Variants in EYS observed in about 807,000 individuals in gnomAD.
EYS encodes EGF-like photoreceptor maintenance factor.
A neutral mutation model predicts 282.1 loss-of-function variants in EYS; 250 were observed. The observed-to-expected ratio is 0.89, with a 90% CI of 0.80 to 0.98. The LOEUF is 0.98. Ranked by LOEUF, EYS falls within the 50% of genes least tolerant of loss-of-function variation. EYS has a pLI of 0.00. For missense variants in EYS, 4,016 were observed against 3,709.0 expected, an observed-to-expected ratio of 1.08 and a Z score of -2.15; for synonymous variants, 1,355 against 1,282.9, an observed-to-expected ratio of 1.06 and a Z score of -1.20.
At chr6:65,105,476 C>T (rs1013602626) in intron 12 of EYS, among the ~76,000 whole-genome samples, 7 of 151,776 alleles carry the variant, frequency 4.6e-5, no homozygotes, top group Non-Finnish European at 5.9e-5. Flanking sequence ...GAAACATAAA[C>T]ATGCGTTATG....
Position 63,937,345 on chromosome 6 carries a change from C to CTTTTTTTTTT in EYS, c.7055+47028_7055+47037dup, listed in dbSNP as rs778809745. 8.4e-4 allele frequency among the ~76,000 whole-genome samples: 46 copies of CTTTTTTTTTT among 54,462 alleles called. 3 individuals carry two copies. The highest frequency in any genetic ancestry group is 1.3e-3 in the Non-Finnish European group (37 of 28,414). The allele number at this position is 54,462 out of a possible 152,430, so 35.7% of individuals were successfully genotyped here. ...CAAATTTTCTAGGCTTCTCTCTTTTCTTTTTTTTTTTTTTTTTTTTTTTTT... is the reference window on the plus strand; with the variant it reads ...CAAATTTTCTAGGCTTCTCTCTTTTCTTTTTTTTTTTTTTTTTTTTTTTTTTTTTTTTTTT... On this transcript the variant is annotated intron_variant, in intron 35 of 42. Transcript: ENST00000503581.
chr6:64,331,091 C>T (rs562867477), intron 29 of EYS, among the ~76,000 whole-genome samples: 1 of 152,266 alleles, frequency 6.6e-6, no homozygotes, highest in African/African-American at 2.4e-5. Context: ...CTGAAGCCTG[C>T]CCTCTGCTGG....
At chr6:64,293,530 G>A (rs1028714336) in intron 30 of EYS, among the ~76,000 whole-genome samples, 4 of 152,038 alleles carry the variant, frequency 2.6e-5, no homozygotes, top group African/African-American at 9.7e-5. Context: ...GGATGGCAGG[G>A]TAACATAACA....
At chr6:64,922,466 A>G (rs1768378567) in intron 15 of EYS, among the ~76,000 whole-genome samples, 1 of 152,244 alleles carries the variant, frequency 6.6e-6, no homozygotes, top group East Asian at 1.9e-4. Context: ...GTATTATTTT[A>G]CCAAGCATAT....
rs541649753 is a variant in EYS, at chr6:63,953,323, T to C, written c.7055+31060A>G. ...TCTTTCCATCCATCTGCTTCTCACC[T>C]AATTAAATATTTTGACAACCTTCTA... On this transcript the variant is annotated intron_variant, in intron 35 of 42. Coordinates refer to ENST00000503581, the MANE Select transcript of EYS (RefSeq NM_001142800.2). 3.3e-5 allele frequency among the ~76,000 whole-genome samples: 5 copies of C among 152,184 alleles called. No individual in the cohort carries two copies. The East Asian group carries it at 5.8e-4, about 18-fold the overall frequency.
At chr6:63,798,985 GTGTATATATATATATA>G (rs1297935047) in intron 37 of EYS, among the ~76,000 whole-genome samples, 12 of 87,514 alleles carry the variant, frequency 1.4e-4, no homozygotes, top group African/African-American at 3.8e-4. Context: ...ATGTATATGT[GTGTATATATATATATA>G]TATATATATA....
intron 5 of EYS, among the ~76,000 whole-genome samples, chr6:65,438,407 T>C (rs964804713): frequency 6.6e-6 from 1 of 152,202 alleles, no homozygotes. Context: ...GTATTTCTAA[T>C]TCTAGATCCT....
chr6:63,924,224 G>C (rs1403181121), intron 35 of EYS, among the ~76,000 whole-genome samples: 2 of 152,040 alleles, frequency 1.3e-5, no homozygotes, highest in Non-Finnish European at 1.5e-5. Context: ...GAAATGATGG[G>C]GTGATTGCCA....
chr6:65,214,726 C>G (rs1189571333), intron 12 of EYS, among the ~76,000 whole-genome samples: 1 of 152,212 alleles, frequency 6.6e-6, no homozygotes, highest in Non-Finnish European at 1.5e-5. Flanking sequence ...ACATCATAGA[C>G]TAAATTCAAA....
intron 29 of EYS, among the ~76,000 whole-genome samples, chr6:64,357,449 C>A (rs778426766): frequency 6.6e-6 from 1 of 151,526 alleles, no homozygotes; most frequent in Non-Finnish European, 1.5e-5. Context: ...CCTTCTTTGC[C>A]ACTAATTCTA....
At chr6:64,418,262 A>G (rs1582728020) in intron 28 of EYS, among the ~76,000 whole-genome samples, 1 of 152,200 alleles carries the variant, frequency 6.6e-6, no homozygotes. Context: ...TGGTATGGCT[A>G]TTTAGTTCTT....
At chr6:65,430,137 C>A (rs1767827218) in intron 5 of EYS, among the ~76,000 whole-genome samples, 1 of 152,092 alleles carries the variant, frequency 6.6e-6, no homozygotes, top group Admixed American at 6.6e-5. Context: ...CATCAATCTT[C>A]CCCCCTCTTC....
chr6:65,324,367 C>T lies in EYS; in HGVS notation c.1766+10613G>A, dbSNP rs147470637. On this transcript the variant is annotated intron_variant, in intron 11 of 42. Coordinates refer to ENST00000503581, the MANE Select transcript of EYS (RefSeq NM_001142800.2). ...CTAAGGAAAATTTGTTAATGAATGA[C>T]GGAAAGGAAGGAGCCAGATTTCCAG... Among the ~76,000 whole-genome samples the T allele has an allele frequency of 9.5e-3, 1,450 of 152,212 alleles. 25 individuals are homozygous for T. The highest frequency in any genetic ancestry group is 0.033 in the African/African-American group (1,358 of 41,524).
intron 12 of EYS, among the ~76,000 whole-genome samples, chr6:65,255,391 A>G (rs932346576): frequency 2.6e-5 from 4 of 151,738 alleles, no homozygotes; most frequent in Non-Finnish European, 5.9e-5. Flanking sequence ...ATAAATTAAT[A>G]ACTTAAGTCA....
chr6:64,402,368 C>T (rs1269934597), intron 28 of EYS, among the ~76,000 whole-genome samples: 1 of 152,106 alleles, frequency 6.6e-6, no homozygotes, highest in African/African-American at 2.4e-5. Context: ...AAAACTTAGG[C>T]TTTTGATTAA....
intron 29 of EYS, among the ~76,000 whole-genome samples, chr6:64,312,999 C>T (rs376077473): frequency 1.3e-5 from 2 of 152,184 alleles, no homozygotes; most frequent in East Asian, 3.9e-4. Context: ...CAACTCCTTG[C>T]AGCAAGGGAA....
intron 36 of EYS, among the ~76,000 whole-genome samples, chr6:63,850,508 A>C (rs947966464): frequency 1.2e-4 from 18 of 152,180 alleles, no homozygotes; most frequent in African/African-American, 4.3e-4. Flanking sequence ...AGCCAGAAGA[A>C]AGCGGGTGCC....
At chr6:65,110,951 T>C (rs1775199013) in intron 12 of EYS, among the ~76,000 whole-genome samples, 1 of 152,138 alleles carries the variant, frequency 6.6e-6, no homozygotes, top group Non-Finnish European at 1.5e-5. Context: ...ATCTAATGCT[T>C]CTGAAGAGTG....
chr6:65,242,355 T>C (rs1767077823), intron 12 of EYS, among the ~76,000 whole-genome samples: 1 of 152,112 alleles, frequency 6.6e-6, no homozygotes, highest in Non-Finnish European at 1.5e-5. Flanking sequence ...TTTCTGTATA[T>C]TTCTTATAAA....
Sources: allele counts gnomAD v4.1 joint callset (sites outside exome capture counted in the v4.1 genomes callset), GRCh38; gene constraint gnomAD v4.1.1; transcripts MANE v1.5; gene names NCBI Gene and HGNC (gene_info 2026-07-23, HGNC 2026-07-21).